Variants in SORBS2 observed in about 807,000 individuals in gnomAD.
SORBS2 encodes sorbin and SH3 domain-containing protein 2.
A neutral mutation model predicts 97.7 loss-of-function variants in SORBS2; 46 were observed. The ratio of observed to expected loss-of-function variants is 0.47; its 90% CI spans 0.37 to 0.60. The LOEUF is 0.60. Ranked by LOEUF, SORBS2 falls within the 20% of genes least tolerant of loss-of-function variation. The probability of loss-of-function intolerance (pLI) is 0.00; values close to 1 mark genes in which losing one functional copy is unlikely to be tolerated. For missense variants in SORBS2, 1,316 were observed against 1,282.3 expected (o/e 1.03, Z -0.40); for synonymous variants, 476 against 473.4 (o/e 1.01, Z -0.07).
chr4:185,729,127 G>A (rs1262584896), intron 2 of SORBS2, among the ~76,000 whole-genome samples: 1 of 152,226 alleles, frequency 6.6e-6, no homozygotes, highest in African/African-American at 2.4e-5. Flanking sequence ...CCTACAGGAA[G>A]GGCAGATCTC....
intron 1 of SORBS2, among the ~76,000 whole-genome samples, chr4:185,886,554 C>CAAAAAAAAAAAAAAA (rs1198439527): frequency 1.4e-5 from 1 of 72,938 alleles, no homozygotes; most frequent in Non-Finnish European, 2.6e-5. Flanking sequence ...GACTCTGTCT[C>CAAAAAAAAAAAAAAA]AAAAAAAAAA....
intron 2 of SORBS2, among the ~76,000 whole-genome samples, chr4:185,744,365 G>A (rs1182170950): frequency 6.6e-6 from 1 of 152,056 alleles, no homozygotes; most frequent in African/African-American, 2.4e-5. Context: ...TGTGGGTTTT[G>A]GATCCAGGTT....
intron 1 of SORBS2, among the ~76,000 whole-genome samples, chr4:185,908,447 A>G (rs2099252914): frequency 6.7e-6 from 1 of 148,390 alleles, no homozygotes. Flanking sequence ...TATTTGAAAT[A>G]TAATTGAAAC....
At chr4:185,868,671 T>G (rs2099228702) in intron 1 of SORBS2, among the ~76,000 whole-genome samples, 1 of 152,158 alleles carries the variant, frequency 6.6e-6, no homozygotes, top group East Asian at 1.9e-4. Flanking sequence ...TGTTGTGCCC[T>G]CTCTGTAAAG....
chr4:185,593,929 G>A (rs2153365302), exon 13 of SORBS2: 3 of 1,601,636 alleles, frequency 1.9e-6, no homozygotes, highest in Non-Finnish European at 2.6e-6. Flanking sequence ...AACACAGGAC[G>A]CTGTGGCTGA....
At chr4:185,639,645 C>T (rs1452169510) in intron 4 of SORBS2, among the ~76,000 whole-genome samples, 1 of 152,078 alleles carries the variant, frequency 6.6e-6, no homozygotes, top group East Asian at 1.9e-4. Context: ...TTGATAATTA[C>T]TATATGACAC....
At chr4:185,754,926 G>A (rs1034597577) in intron 2 of SORBS2, among the ~76,000 whole-genome samples, 1 of 152,222 alleles carries the variant, frequency 6.6e-6, no homozygotes, top group Non-Finnish European at 1.5e-5. Flanking sequence ...CAACTGCAGA[G>A]GAGGCTGGGG....
chr4:185,905,527 T>C lies in SORBS2; in HGVS notation c.-338+50669A>G, dbSNP rs535341075. Among the ~76,000 whole-genome samples, 147 of 152,344 alleles carry C rather than the reference T, an allele frequency of 9.6e-4. 1 individual carries two copies. The highest frequency in any genetic ancestry group is 3.4e-3 in the African/African-American group (140 of 41,588). ...CTTCCTAAAACAAACATAACAGTCA[T>C]AACGGTATTCCATTTCTGAAGCATA... is the stretch of plus-strand genomic sequence containing the variant. On this transcript the variant is annotated intron_variant, in intron 1 of 20. Coordinates refer to the SORBS2 transcript ENST00000284776.
chr4:185,652,723 G>A lies in SORBS2; in HGVS notation c.30C>T (p.Val10=), dbSNP rs758117374. 8 of 1,613,710 alleles carry A rather than the reference G, an allele frequency of 5.0e-6. No individual in the cohort carries two copies. The East Asian group carries it at 1.1e-4, about 22-fold the overall frequency. The change falls in exon 2 of 15, where the codon GTC becomes GTT. Residue 10 remains valine, a synonymous_variant. Coordinates refer to ENST00000418609, the Ensembl canonical transcript of SORBS2. ...TCTTGTACCAGTCCTTGGGCCGGTC[G>A]ACTGTCTGTAATGAAGAGAGCGTCC... is the stretch of plus-strand genomic sequence containing the variant.
intron 1 of SORBS2, among the ~76,000 whole-genome samples, chr4:185,955,303 C>T (rs1042344016): frequency 6.6e-6 from 1 of 152,088 alleles, no homozygotes; most frequent in Non-Finnish European, 1.5e-5. Flanking sequence ...AACAACTTCC[C>T]GGGAAATATT....
intron 14 of SORBS2, chr4:185,589,139 C>A (rs527503054): frequency 6.6e-6 from 1 of 152,666 alleles, no homozygotes; most frequent in Non-Finnish European, 1.5e-5. Flanking sequence ...GAAGACCTCT[C>A]GTCTTTTTTT....
intron 11 of SORBS2, among the ~76,000 whole-genome samples, chr4:185,612,573 C>T (rs896774804): frequency 6.6e-6 from 1 of 151,482 alleles, no homozygotes; most frequent in Non-Finnish European, 1.5e-5. Flanking sequence ...CACTGCAACC[C>T]GCACCTCCTG....
chr4:185,660,760 C>G (rs548559844), upstream of SORBS2, among the ~76,000 whole-genome samples: 38 of 152,172 alleles, frequency 2.5e-4, 1 homozygote, highest in African/African-American at 8.7e-4. Flanking sequence ...GTTTCTTTCC[C>G]CCTGTTGCTG....
intron 1 of SORBS2, among the ~76,000 whole-genome samples, chr4:185,839,648 G>A (rs1368134592): frequency 6.6e-6 from 1 of 152,132 alleles, no homozygotes; most frequent in South Asian, 2.1e-4. Flanking sequence ...GTTGTTTTTC[G>A]ATGGGACTGT....
intron 2 of SORBS2, among the ~76,000 whole-genome samples, chr4:185,764,660 A>G (rs1179296742): frequency 6.6e-6 from 1 of 152,218 alleles, no homozygotes; most frequent in Non-Finnish European, 1.5e-5. Flanking sequence ...GCTGTGAAAG[A>G]TATTTACAAT....
At chr4:185,670,240 A>G (rs1049888619) in intron 4 of SORBS2, among the ~76,000 whole-genome samples, 2 of 152,114 alleles carry the variant, frequency 1.3e-5, no homozygotes, top group African/African-American at 4.8e-5. Flanking sequence ...AAAAAGGTTT[A>G]TTTTGCTTTA....
chr4:185,693,917 G>T (rs375862650), intron 2 of SORBS2, among the ~76,000 whole-genome samples: 32 of 152,334 alleles, frequency 2.1e-4, no homozygotes, highest in African/African-American at 7.2e-4. Flanking sequence ...TCTTTAAAGT[G>T]ATGTATCCTG....
intron 1 of SORBS2, among the ~76,000 whole-genome samples, chr4:185,839,591 T>A (rs993244038): frequency 6.6e-6 from 1 of 152,202 alleles, no homozygotes; most frequent in Admixed American, 6.5e-5. Flanking sequence ...GAGAGGAATG[T>A]ACTCCAAGCT....
chr4:185,844,346 C>T (rs891050335), intron 1 of SORBS2, among the ~76,000 whole-genome samples: 3 of 152,182 alleles, frequency 2.0e-5, no homozygotes, highest in Non-Finnish European at 4.4e-5. Context: ...TCGGCAGACA[C>T]ACGAAAAGAT....
Sources: gnomAD v4.1 joint callset for allele counts (sites outside exome capture counted in the v4.1 genomes callset) on GRCh38, gnomAD v4.1.1 for gene constraint, MANE v1.5 for transcripts, NCBI Gene and HGNC (gene_info 2026-07-23, HGNC 2026-07-21) for gene names.